RHBDL2: variants seen among roughly 807,000 people sequenced by gnomAD.
RHBDL2 encodes rhomboid-related protein 2.
In RHBDL2, 26 loss-of-function variants were observed where a neutral mutation model predicts 31.7. The ratio of observed to expected loss-of-function variants is 0.82; its 90% CI spans 0.60 to 1.14. The LOEUF (loss-of-function observed/expected upper bound fraction) is 1.14, where lower values mean the gene tolerates loss of function less well. Ranked by LOEUF, RHBDL2 falls within the 50% of genes most tolerant of loss-of-function variation. RHBDL2 has a pLI of 0.00. For synonymous variants in RHBDL2, 123 were observed against 127.2 expected, an observed-to-expected ratio of 0.97 and a Z score of 0.22; for missense variants, 336 against 364.4, an observed-to-expected ratio of 0.92 and a Z score of 0.63.
At chr1:38,911,503 C>T (rs1643140890) in intron 3 of RHBDL2, 69 bp from the exon 4 acceptor site, 1 of 1,033,566 alleles carries the variant, frequency 9.7e-7, no homozygotes, top group African/African-American at 1.6e-5. Context: ...GGGAGATGAA[C>T]AGACTTTCAT....
chr1:38,916,602 T>C (rs1360099177), intron 2 of RHBDL2, among the ~76,000 whole-genome samples: 1 of 151,912 alleles, frequency 6.6e-6, no homozygotes, highest in Non-Finnish European at 1.5e-5. Flanking sequence ...CCCAGCCCTT[T>C]GGCGGGAGGC....
chr1:38,905,854 T>G (rs1315359926), intron 4 of RHBDL2, among the ~76,000 whole-genome samples: 2 of 151,198 alleles, frequency 1.3e-5, no homozygotes, highest in East Asian at 3.9e-4. Flanking sequence ...GATCATGAGG[T>G]CAGGAGTTTG....
At chr1:38,909,525 C>T (rs2124323061) in intron 4 of RHBDL2, among the ~76,000 whole-genome samples, 1 of 152,118 alleles carries the variant, frequency 6.6e-6, no homozygotes, top group Middle Eastern at 3.4e-3. Context: ...GTGTGGATCA[C>T]AAGGTCAGGA....
At chr1:38,895,893 G>T (rs1470961845) in intron 5 of RHBDL2, 76 bp downstream of exon 5, 8 of 896,122 alleles carry the variant, frequency 8.9e-6, no homozygotes, top group Non-Finnish European at 1.2e-5. Flanking sequence ...ATAAATGAAG[G>T]TTCGTTGAAA....
chr1:38,891,446 T>C (rs2124301124), intron 6 of RHBDL2, among the ~76,000 whole-genome samples: 1 of 152,174 alleles, frequency 6.6e-6, no homozygotes, highest in Non-Finnish European at 1.5e-5. Flanking sequence ...CCAAAGAACT[T>C]TTAGAAATGA....
At chr1:38,897,531 G>A (rs1642934611) in intron 4 of RHBDL2, among the ~76,000 whole-genome samples, 2 of 151,726 alleles carry the variant, frequency 1.3e-5, no homozygotes, top group East Asian at 3.9e-4. Context: ...CCGGGCCACA[G>A]AGTGATATCC....
At chr1:38,927,779 A>T (rs2124349241) in intron 1 of RHBDL2, among the ~76,000 whole-genome samples, 1 of 152,240 alleles carries the variant, frequency 6.6e-6, no homozygotes, top group East Asian at 1.9e-4. Flanking sequence ...GTGTGCCAGC[A>T]TCCAGGCTAA....
chr1:38,939,206 G>A (rs1390897326), intron 1 of RHBDL2, among the ~76,000 whole-genome samples: 3 of 152,172 alleles, frequency 2.0e-5, no homozygotes, highest in Non-Finnish European at 4.4e-5. Context: ...AGTGTCTAGA[G>A]AGGTAGTTGG....
intron 6 of RHBDL2, among the ~76,000 whole-genome samples, chr1:38,889,333 C>T (rs556435646): frequency 9.2e-5 from 14 of 152,086 alleles, no homozygotes; most frequent in Non-Finnish European, 1.9e-4. Context: ...AACTCCTGAC[C>T]TCAGGTGATC....
chr1:38,929,149 C>T (rs1203102299), intron 1 of RHBDL2, among the ~76,000 whole-genome samples: 1 of 151,954 alleles, frequency 6.6e-6, no homozygotes, highest in East Asian at 1.9e-4. Context: ...TATTTTCATC[C>T]CATCCTTTCC....
intron 1 of RHBDL2, among the ~76,000 whole-genome samples, chr1:38,936,501 G>GGT (rs1643513390): frequency 8.0e-6 from 1 of 125,724 alleles, no homozygotes; most frequent in East Asian, 2.3e-4. Context: ...TGCTTTTTGG[G>GGT]TTTTTTTTTT....
intron 4 of RHBDL2, among the ~76,000 whole-genome samples, chr1:38,909,551 G>A (rs1643113687): frequency 6.6e-6 from 1 of 152,048 alleles, no homozygotes; most frequent in Non-Finnish European, 1.5e-5. Flanking sequence ...AGACCAGCCT[G>A]GCCAACATGG....
chr1:38,912,943 T>TGTGTGTGTGTGC (rs1309801811), intron 3 of RHBDL2, among the ~76,000 whole-genome samples: 1 of 124,772 alleles, frequency 8.0e-6, no homozygotes, highest in African/African-American at 3.3e-5. Context: ...TGTGTGTGTG[T>TGTGTGTGTGTGC]GTGTGTATTT....
At chr1:38,892,185 C>T (rs1468416772) in intron 6 of RHBDL2, among the ~76,000 whole-genome samples, 1 of 152,244 alleles carries the variant, frequency 6.6e-6, no homozygotes, top group South Asian at 2.1e-4. Flanking sequence ...CTGCCACCTG[C>T]CCCCCGCTCC....
chr1:38,913,840 C>T (rs1262335799), intron 3 of RHBDL2, among the ~76,000 whole-genome samples: 3 of 152,064 alleles, frequency 2.0e-5, no homozygotes, highest in Non-Finnish European at 2.9e-5. Context: ...TATAGGCGGC[C>T]GGGCACAGTG....
intron 1 of RHBDL2, among the ~76,000 whole-genome samples, chr1:38,927,708 C>T (rs1030830701): frequency 2.6e-5 from 4 of 152,176 alleles, no homozygotes; most frequent in African/African-American, 9.7e-5. Context: ...GAGTATCTTA[C>T]AGAATTGTGG....
chr1:38,935,155 A>T (rs918216291), intron 1 of RHBDL2, among the ~76,000 whole-genome samples: 2 of 152,130 alleles, frequency 1.3e-5, no homozygotes, highest in African/African-American at 2.4e-5. Flanking sequence ...TTTATGGAAA[A>T]TGTCTACCAC....
chr1:38,892,304 A>G (rs1332239427), intron 6 of RHBDL2, among the ~76,000 whole-genome samples: 1 of 152,120 alleles, frequency 6.6e-6, no homozygotes, highest in African/African-American at 2.4e-5. Flanking sequence ...AAGAGATTAT[A>G]TCAGTGGTTT....
At chr1:38,916,447 A>G (rs1643236199) in intron 2 of RHBDL2, among the ~76,000 whole-genome samples, 1 of 152,202 alleles carries the variant, frequency 6.6e-6, no homozygotes, top group Admixed American at 6.5e-5. Context: ...TGGAGTGGGT[A>G]CCAGAGGAAC....
Sources: gnomAD v4.1 joint callset for allele counts (sites outside exome capture counted in the v4.1 genomes callset) on GRCh38, gnomAD v4.1.1 for gene constraint, MANE v1.5 for transcripts, NCBI Gene and HGNC (gene_info 2026-07-23, HGNC 2026-07-21) for gene names.